The following GBE1 variants were observed in gnomAD, a reference collection of about 807,000 sequenced individuals.
The protein encoded by GBE1 is 1,4-alpha-glucan branching enzyme 1.
Under a neutral mutation model 88.8 loss-of-function variants are expected in GBE1, and 70 were observed. The observed-to-expected ratio is 0.79, with a 90% CI of 0.65 to 0.96. The LOEUF is 0.96. Ranked by LOEUF, GBE1 falls within the 40% of genes least tolerant of loss-of-function variation. The pLI is 0.00. For missense variants in GBE1, 872 were observed against 871.0 expected (o/e 1.00, Z -0.01); for synonymous variants, 284 against 300.1 (o/e 0.95, Z 0.56).
intron 9 of GBE1, among the ~76,000 whole-genome samples, chr3:81,590,799 G>A (rs1415733638): frequency 6.6e-6 from 1 of 152,004 alleles, no homozygotes; most frequent in Non-Finnish European, 1.5e-5. Flanking sequence ...TCCAACCACT[G>A]GCATTTTCTT....
intron 1 of GBE1, among the ~76,000 whole-genome samples, chr3:81,716,176 G>T (rs111334558): frequency 6.6e-6 from 1 of 152,212 alleles, no homozygotes; most frequent in Admixed American, 6.5e-5. Context: ...AGGAATAAAA[G>T]CTAATTAAGT....
intron 8 of GBE1, among the ~76,000 whole-genome samples, chr3:81,593,305 C>A (rs763292445): frequency 3.3e-5 from 5 of 151,114 alleles, no homozygotes; most frequent in Non-Finnish European, 7.4e-5. Context: ...ATGGAGTTTG[C>A]AGTGATCTGA....
chr3:81,605,727 T>C (rs1402035523), intron 7 of GBE1, among the ~76,000 whole-genome samples: 1 of 152,152 alleles, frequency 6.6e-6, no homozygotes, highest in Non-Finnish European at 1.5e-5. Context: ...ACATTTTAGA[T>C]TTCGTGGCCA....
intron 5 of GBE1, 47 bp from the exon 6 acceptor site, chr3:81,646,529 A>C: frequency 9.6e-7 from 1 of 1,037,438 alleles, no homozygotes; most frequent in Non-Finnish European, 1.4e-6. Context: ...ACATTTAAAA[A>C]AAAAGTAATG....
intron 1 of GBE1, among the ~76,000 whole-genome samples, chr3:81,752,386 T>C (rs1219405530): frequency 6.6e-6 from 1 of 152,188 alleles, no homozygotes; most frequent in South Asian, 2.1e-4. Flanking sequence ...GTAAACTCAG[T>C]ATGACCATTC....
intron 7 of GBE1, among the ~76,000 whole-genome samples, chr3:81,609,282 C>T (rs187495140): frequency 6.6e-6 from 1 of 152,252 alleles, no homozygotes; most frequent in East Asian, 1.9e-4. Context: ...ATATCCTCAA[C>T]CCCTTCAAGG....
intron 14 of GBE1, among the ~76,000 whole-genome samples, chr3:81,507,007 G>A (rs1366871078): frequency 4.1e-4 from 63 of 151,898 alleles, no homozygotes; most frequent in Non-Finnish European, 1.5e-5. Flanking sequence ...TCTGTACAAT[G>A]AACCCCCATG....
chr3:81,745,666 T>C (rs1171510956), intron 1 of GBE1, among the ~76,000 whole-genome samples: 1 of 152,106 alleles, frequency 6.6e-6, no homozygotes, highest in Non-Finnish European at 1.5e-5. Context: ...CTCAAAAACT[T>C]AGCACAAATG....
At chr3:81,739,612 G>C (rs529199241) in intron 1 of GBE1, among the ~76,000 whole-genome samples, 30 of 152,028 alleles carry the variant, frequency 2.0e-4, no homozygotes, top group Non-Finnish European at 3.7e-4. Flanking sequence ...TTCCTTAATA[G>C]AAAAATAAAA....
At chr3:81,683,745 G>A (rs1225739130) in intron 2 of GBE1, among the ~76,000 whole-genome samples, 1 of 152,136 alleles carries the variant, frequency 6.6e-6, no homozygotes, top group African/African-American at 2.4e-5. Flanking sequence ...CCAGACACAT[G>A]TTTGGTAACC....
At chr3:81,548,582 C>A (rs371155868) in intron 12 of GBE1, among the ~76,000 whole-genome samples, 1 of 151,240 alleles carries the variant, frequency 6.6e-6, no homozygotes, top group Admixed American at 6.6e-5. Flanking sequence ...CTTTGTCAAT[C>A]GTGTTTTTAA....
intron 15 of GBE1, among the ~76,000 whole-genome samples, chr3:81,496,241 T>C (rs74514680): frequency 1.5e-3 from 224 of 152,354 alleles, no homozygotes; most frequent in African/African-American, 5.2e-3. Context: ...TACTCTGACC[T>C]TAGCAAATAC....
intron 7 of GBE1, among the ~76,000 whole-genome samples, chr3:81,621,542 A>T (rs1449015887): frequency 6.6e-6 from 1 of 151,946 alleles, no homozygotes; most frequent in Non-Finnish European, 1.5e-5. Flanking sequence ...AATATTCAGT[A>T]CCCTCATCCA....
chr3:81,578,435 A>G (rs983596991), intron 11 of GBE1, among the ~76,000 whole-genome samples: 9 of 151,740 alleles, frequency 5.9e-5, no homozygotes, highest in African/African-American at 2.2e-4. Flanking sequence ...AGAATATTAA[A>G]TAGATTTTTA....
intron 14 of GBE1, among the ~76,000 whole-genome samples, chr3:81,527,061 T>C (rs941227085): frequency 6.6e-6 from 1 of 151,882 alleles, no homozygotes; most frequent in African/African-American, 2.4e-5. Flanking sequence ...TCAGAAATAA[T>C]GCCGCATATC....
rs185066157 is a variant in GBE1, at chr3:81,526,204, T to C, written c.1934+8991A>G. On this transcript the variant is annotated intron_variant, in intron 14 of 15. Coordinates refer to ENST00000429644, the MANE Select transcript of GBE1 (RefSeq NM_000158.4). ...ATTTCCATCTACACACTGCTTTGAA[T>C]GTGTCCCACAGATTCTGGTATGTTG... Among the ~76,000 whole-genome samples the C allele has an allele frequency of 8.1e-4, 123 of 152,204 alleles. 1 individual carries two copies. Among genetic ancestry groups the C allele is most frequent in the Non-Finnish European group, 7.4e-5 (5 of 67,998 alleles).
At chr3:81,569,236 T>C (rs1344367570) in intron 12 of GBE1, among the ~76,000 whole-genome samples, 2 of 152,150 alleles carry the variant, frequency 1.3e-5, no homozygotes, top group Non-Finnish European at 2.9e-5. Context: ...AATAGGGGAA[T>C]TAAAAAAACT....
intron 2 of GBE1, among the ~76,000 whole-genome samples, chr3:81,694,396 A>G (rs1454197324): frequency 6.6e-6 from 1 of 152,218 alleles, no homozygotes; most frequent in Non-Finnish European, 1.5e-5. Context: ...AAATAAAATC[A>G]GAAATGGCTC....
chr3:81,506,817 A>C (rs1204868004), intron 14 of GBE1, among the ~76,000 whole-genome samples: 1 of 152,168 alleles, frequency 6.6e-6, no homozygotes, highest in East Asian at 1.9e-4. Flanking sequence ...CTAACACAGA[A>C]ACGGAAAACC....
Sources: gnomAD v4.1 joint callset for allele counts (sites outside exome capture counted in the v4.1 genomes callset) on GRCh38, gnomAD v4.1.1 for gene constraint, MANE v1.5 for transcripts, NCBI Gene and HGNC (gene_info 2026-07-23, HGNC 2026-07-21) for gene names.